VRTN: variants seen among roughly 807,000 people sequenced by gnomAD.
VRTN encodes vertebrae development associated.
Under a neutral mutation model 18.2 loss-of-function variants are expected in VRTN, and 5 were observed. That is an observed-to-expected ratio of 0.27 (90% CI 0.14 to 0.58). The LOEUF is 0.58. VRTN is among the 20% of genes least tolerant of loss of function. The pLI, the probability that VRTN is intolerant of heterozygous loss-of-function variation, is 0.91. For synonymous variants in VRTN, 381 were observed against 393.7 expected, an observed-to-expected ratio of 0.97 and a Z score of 0.38; for missense variants, 741 against 939.4, an observed-to-expected ratio of 0.79 and a Z score of 2.76.
intron 1 of VRTN, among the ~76,000 whole-genome samples, chr14:74,331,926 G>A (rs2140202170): frequency 6.6e-6 from 1 of 152,178 alleles, no homozygotes; most frequent in Non-Finnish European, 1.5e-5. Context: ...GAAATCAACT[G>A]TGATTAGGTC....
intron 1 of VRTN, among the ~76,000 whole-genome samples, chr14:74,354,017 G>T (rs1227421388): frequency 6.6e-6 from 1 of 152,126 alleles, no homozygotes; most frequent in Non-Finnish European, 1.5e-5. Context: ...CAAGTGATCT[G>T]CCTGCCTCGG....
chr14:74,351,386 G>A (rs2085682492), intron 1 of VRTN, among the ~76,000 whole-genome samples: 1 of 151,348 alleles, frequency 6.6e-6, no homozygotes, highest in African/African-American at 2.4e-5. Flanking sequence ...TAAATGATAT[G>A]GTACAAATAG....
intron 1 of VRTN, among the ~76,000 whole-genome samples, chr14:74,327,434 C>G (rs930747333): frequency 1.3e-5 from 2 of 152,208 alleles, no homozygotes; most frequent in Non-Finnish European, 2.9e-5. Flanking sequence ...CAGGAGCCAT[C>G]CTATGATCCT....
chr14:74,354,639 G>A (rs10137660), intron 1 of VRTN, among the ~76,000 whole-genome samples: 7,201 of 151,998 alleles, frequency 0.047, 391 homozygotes, highest in African/African-American at 0.12. Flanking sequence ...TCCTGAGCTC[G>A]TGGTCCGCCC....
chr14:74,309,848 TG>T (rs781258171), intron 1 of VRTN, among the ~76,000 whole-genome samples: 3 of 152,178 alleles, frequency 2.0e-5, no homozygotes, highest in Non-Finnish European at 4.4e-5. Context: ...GACAAATTGA[TG>T]TTTTTTTTAA....
At chr14:74,309,115 C>T (rs969508905) in intron 1 of VRTN, among the ~76,000 whole-genome samples, 2 of 152,144 alleles carry the variant, frequency 1.3e-5, no homozygotes, top group South Asian at 2.1e-4. Context: ...CTTCCATCCC[C>T]GCTGTGAATG....
chr14:74,322,465 C>G (rs2085462040), intron 1 of VRTN, among the ~76,000 whole-genome samples: 1 of 152,082 alleles, frequency 6.6e-6, no homozygotes, highest in Non-Finnish European at 1.5e-5. Flanking sequence ...AAATTCATTT[C>G]TTATTGCAAA....
At chr14:74,349,249 G>A (rs2085666959) in intron 1 of VRTN, among the ~76,000 whole-genome samples, 1 of 143,360 alleles carries the variant, frequency 7.0e-6, no homozygotes, top group Admixed American at 7.2e-5. Flanking sequence ...GCTGCCACCA[G>A]CCAACCCTGG....
intron 2 of VRTN, among the ~76,000 whole-genome samples, chr14:74,342,585 T>G (rs2085614199): frequency 6.6e-6 from 1 of 151,864 alleles, no homozygotes; most frequent in Non-Finnish European, 1.5e-5. Context: ...GAAAAAGGGC[T>G]ATAATCCAAT....
At chr14:74,349,178 A>C (rs1238320466) in intron 1 of VRTN, among the ~76,000 whole-genome samples, 4 of 152,198 alleles carry the variant, frequency 2.6e-5, no homozygotes, top group African/African-American at 9.6e-5. Context: ...CTGTGACCCA[A>C]GGTGCAGCCA....
intron 1 of VRTN, among the ~76,000 whole-genome samples, chr14:74,331,313 A>G (rs1188181565): frequency 6.6e-6 from 1 of 151,736 alleles, no homozygotes; most frequent in Non-Finnish European, 1.5e-5. Flanking sequence ...GGATCACCTG[A>G]GGTCAGGAGT....
chr14:74,345,188 G>A (rs552009302), upstream of VRTN, among the ~76,000 whole-genome samples: 1 of 151,966 alleles, frequency 6.6e-6, no homozygotes, highest in South Asian at 2.1e-4. Flanking sequence ...AGGATCACAG[G>A]TTCATACCAC....
At chr14:74,321,574 C>T (rs150500821) in intron 1 of VRTN, among the ~76,000 whole-genome samples, 2,306 of 144,374 alleles carry the variant, frequency 0.016, 58 homozygotes, top group African/African-American at 0.057. Context: ...GGTGTGGTCT[C>T]GGCTCACTGC....
At chr14:74,303,008 G>T, upstream of VRTN, 1 of 1,283,188 alleles carries the variant, frequency 7.8e-7, no homozygotes, top group Non-Finnish European at 1.0e-6. Flanking sequence ...CACAGAGACG[G>T]CGTTTGATAG....
Position 74,357,704 on chromosome 14 carries a change from G to C in VRTN, c.921G>C (p.Arg307=). The part of the protein sequence containing the change: ...YRWRRQSQEH[R]QKVAARFSAK... ...GGCGGCGGCAGTCCCAGGAGCACCG[G>C]CAGAAGGTTGCTGCCCGCTTCTCCG... Residue 307 remains arginine (R), a synonymous_variant, in exon 2 of 2, where the codon CGG becomes CGC. Coordinates refer to ENST00000256362, the MANE Select transcript of VRTN (RefSeq NM_018228.3). The surrounding 1 kb of genome is among the most constrained non-coding windows in gnomAD (Gnocchi z 7.8). 1 of 1,613,572 alleles carries C rather than the reference G, an allele frequency of 6.2e-7. No individual in the cohort carries two copies. The highest frequency in any genetic ancestry group is 8.5e-7 in the Non-Finnish European group (1 of 1,180,012).
chr14:74,337,553 C>T (rs2085573430), intron 1 of VRTN, among the ~76,000 whole-genome samples: 1 of 152,034 alleles, frequency 6.6e-6, no homozygotes, highest in South Asian at 2.1e-4. Context: ...CTTGTTTCCC[C>T]TTCATGGATG....
intron 1 of VRTN, among the ~76,000 whole-genome samples, chr14:74,304,740 C>G (rs1338424975): frequency 1.3e-5 from 2 of 152,122 alleles, no homozygotes; most frequent in African/African-American, 4.8e-5. Flanking sequence ...ACCACTGCCC[C>G]AGAACCAAAG....
intron 1 of VRTN, among the ~76,000 whole-genome samples, chr14:74,352,272 A>T (rs1260480796): frequency 6.7e-6 from 1 of 150,266 alleles, no homozygotes; most frequent in Non-Finnish European, 1.5e-5. Context: ...TCTGCTGCCC[A>T]GGTTCAACCA....
At position 74,328,012 on chromosome 14, in the gene VRTN, C is replaced by T. The variant is rs575460677; in HGVS notation, c.-163-9711C>T. 2.6e-5 allele frequency among the ~76,000 whole-genome samples: 4 copies of T among 152,222 alleles called. No individual in the cohort carries two copies. In the East Asian group the frequency reaches 5.8e-4, roughly 22 times the overall value. ...CTGGGATTACAGGCATGAGCCACTG[C>T]GCCTGGCCCTTGTGGGTGATCTTGT... On this transcript the variant is annotated intron_variant, in intron 1 of 2. Transcript: ENST00000557177.
Sources: allele counts gnomAD v4.1 joint callset (sites outside exome capture counted in the v4.1 genomes callset), GRCh38; gene constraint gnomAD v4.1.1; non-coding constraint Gnocchi (gnomAD v3.1); transcripts MANE v1.5; gene names NCBI Gene and HGNC (gene_info 2026-07-23, HGNC 2026-07-21).